Variants in DPYD observed in about 807,000 individuals in gnomAD.
The protein encoded by DPYD is dihydropyrimidine dehydrogenase, also known as dihydropyrimidine dehydrogenase [NADP(+)].
Under a neutral mutation model 116.2 loss-of-function variants are expected in DPYD, and 109 were observed. That is an observed-to-expected ratio of 0.94 (90% CI 0.80 to 1.10). The LOEUF (loss-of-function observed/expected upper bound fraction) is 1.10, where lower values mean the gene tolerates loss of function less well. Among genes scored for constraint, DPYD ranks in the 50% least tolerant of loss-of-function variants. DPYD has a pLI of 0.00. For synonymous variants in DPYD, 440 were observed against 432.0 expected, an observed-to-expected ratio of 1.02 and a Z score of -0.23; for missense variants, 1,302 against 1,254.5, an observed-to-expected ratio of 1.04 and a Z score of -0.57.
intron 5 of DPYD, among the ~76,000 whole-genome samples, chr1:97,701,651 T>C (rs1239533295): frequency 6.6e-6 from 1 of 151,774 alleles, no homozygotes; most frequent in Non-Finnish European, 1.5e-5. Context: ...CCACAAACTA[T>C]TGTAAATAAA....
chr1:97,888,952 T>C (rs1310428364), intron 1 of DPYD, among the ~76,000 whole-genome samples: 1 of 151,612 alleles, frequency 6.6e-6, no homozygotes, highest in African/African-American at 2.4e-5. Flanking sequence ...AGGTCAGGAG[T>C]TCAAGACCAG....
chr1:97,724,868 TA>T (rs942201848), intron 4 of DPYD, among the ~76,000 whole-genome samples: 5 of 141,604 alleles, frequency 3.5e-5, no homozygotes, highest in African/African-American at 1.3e-4. Context: ...TAATTAGGCA[TA>T]AAAGGAAGGA....
At chr1:97,430,845 T>C (rs1202919749) in intron 14 of DPYD, among the ~76,000 whole-genome samples, 4 of 152,136 alleles carry the variant, frequency 2.6e-5, no homozygotes, top group Non-Finnish European at 5.9e-5. Flanking sequence ...TATATACTTT[T>C]TATATCTATC....
At chr1:97,104,046 C>T (rs1022095334) in intron 20 of DPYD, among the ~76,000 whole-genome samples, 1 of 152,096 alleles carries the variant, frequency 6.6e-6, no homozygotes, top group Non-Finnish European at 1.5e-5. Flanking sequence ...CGATTACCCT[C>T]CCTGCCCAGT....
At chr1:97,540,555 G>A (rs189561322) in intron 12 of DPYD, among the ~76,000 whole-genome samples, 9 of 152,214 alleles carry the variant, frequency 5.9e-5, no homozygotes, top group South Asian at 2.1e-4. Context: ...ACACGGAAGC[G>A]TTCTAGTTTA....
intron 3 of DPYD, among the ~76,000 whole-genome samples, chr1:97,789,851 C>T (rs1166783134): frequency 6.6e-6 from 1 of 152,166 alleles, no homozygotes. Context: ...CTGATCTCAG[C>T]TAGTTATTAG....
intron 18 of DPYD, among the ~76,000 whole-genome samples, chr1:97,293,579 C>T (rs1170537689): frequency 2.0e-5 from 3 of 152,134 alleles, no homozygotes; most frequent in Non-Finnish European, 4.4e-5. Context: ...GGCCTATATT[C>T]TATTAGCTAG....
intron 16 of DPYD, among the ~76,000 whole-genome samples, chr1:97,318,843 T>G (rs1371594388): frequency 1.3e-5 from 2 of 149,974 alleles, no homozygotes; most frequent in Admixed American, 1.3e-4. Context: ...AAAGCACTCC[T>G]CAGCAAATGT....
At chr1:97,677,662 CTAA>C (rs1398448547) in intron 8 of DPYD, among the ~76,000 whole-genome samples, 1 of 152,080 alleles carries the variant, frequency 6.6e-6, no homozygotes, top group African/African-American at 2.4e-5. Context: ...CAGACAGATA[CTAA>C]TGACAATGGC....
intron 13 of DPYD, among the ~76,000 whole-genome samples, chr1:97,490,838 A>C (rs938782791): frequency 6.7e-5 from 10 of 149,818 alleles, no homozygotes; most frequent in African/African-American, 2.4e-4. Flanking sequence ...AAAAAAAAAA[A>C]CCAAAAAACT....
chr1:97,778,756 G>C (rs1274835481), intron 3 of DPYD, among the ~76,000 whole-genome samples: 3 of 152,038 alleles, frequency 2.0e-5, no homozygotes, highest in African/African-American at 7.2e-5. Context: ...GCAGCAGTAA[G>C]TAATACTGAA....
intron 8 of DPYD, among the ~76,000 whole-genome samples, chr1:97,640,987 G>A (rs1657859418): frequency 6.6e-6 from 1 of 152,102 alleles, no homozygotes; most frequent in Non-Finnish European, 1.5e-5. Context: ...AATTCTTCTA[G>A]CATAAACTTT....
At chr1:97,660,476 G>A (rs1004480895) in intron 8 of DPYD, among the ~76,000 whole-genome samples, 6 of 151,974 alleles carry the variant, frequency 3.9e-5, no homozygotes, top group African/African-American at 1.4e-4. Flanking sequence ...ATGTAAACTA[G>A]TATTAAGACC....
chr1:97,378,251 A>C (rs1438909436), intron 15 of DPYD, among the ~76,000 whole-genome samples: 1 of 152,128 alleles, frequency 6.6e-6, no homozygotes, highest in African/African-American at 2.4e-5. Flanking sequence ...CTGTCCTGTT[A>C]CTGTCCCTGT....
intron 20 of DPYD, among the ~76,000 whole-genome samples, chr1:97,142,884 T>C (rs959457498): frequency 6.6e-6 from 1 of 152,066 alleles, no homozygotes; most frequent in Non-Finnish European, 1.5e-5. Flanking sequence ...TTTAGAGACT[T>C]ATAGAAAACT....
At chr1:97,512,352 T>C (rs1009946343) in intron 13 of DPYD, among the ~76,000 whole-genome samples, 1 of 151,898 alleles carries the variant, frequency 6.6e-6, no homozygotes, top group Non-Finnish European at 1.5e-5. Flanking sequence ...ATCTATTCAT[T>C]TGAGATATTT....
intron 12 of DPYD, among the ~76,000 whole-genome samples, chr1:97,522,661 T>C (rs1389102517): frequency 6.6e-6 from 1 of 151,694 alleles, no homozygotes; most frequent in Non-Finnish European, 1.5e-5. Flanking sequence ...GGATCTTGCA[T>C]TGTGCCAAGA....
chr1:97,727,768 G>A (rs1663355905), intron 4 of DPYD, among the ~76,000 whole-genome samples: 1 of 151,832 alleles, frequency 6.6e-6, no homozygotes, highest in Non-Finnish European at 1.5e-5. Flanking sequence ...AACCTATTAG[G>A]AGGGGAACAC....
At chr1:97,651,918 C>T (rs910573987) in intron 8 of DPYD, among the ~76,000 whole-genome samples, 1 of 152,008 alleles carries the variant, frequency 6.6e-6, no homozygotes, top group Non-Finnish European at 1.5e-5. Flanking sequence ...CTATTAAAAT[C>T]ATTTCAGAAG....
Sources: allele counts gnomAD v4.1 joint callset (sites outside exome capture counted in the v4.1 genomes callset), GRCh38; gene constraint gnomAD v4.1.1; transcripts MANE v1.5; gene names NCBI Gene and HGNC (gene_info 2026-07-23, HGNC 2026-07-21).